The following ELMO1 variants were observed in gnomAD, a reference collection of about 807,000 sequenced individuals.
ELMO1 encodes engulfment and cell motility 1, also known as engulfment and cell motility protein 1.
In ELMO1, 26 loss-of-function variants were observed where a neutral mutation model predicts 98.9. The observed-to-expected ratio is 0.26, with a 90% CI of 0.19 to 0.36. ELMO1 has a LOEUF of 0.36. Ranked by LOEUF, ELMO1 falls within the 10% of genes least tolerant of loss-of-function variation. The pLI, the probability that ELMO1 is intolerant of heterozygous loss-of-function variation, is 1.00. For missense variants in ELMO1, 627 were observed against 935.2 expected (o/e 0.67, Z 4.30); for synonymous variants, 346 against 346.0 (o/e 1.00, Z 0.00).
At chr7:37,163,342 T>TTTTTG (rs1789366510) in intron 13 of ELMO1, among the ~76,000 whole-genome samples, 1 of 27,840 alleles carries the variant, frequency 3.6e-5, no homozygotes, top group Non-Finnish European at 1.5e-4. Context: ...GTGTTCTTTT[T>TTTTTG]TTTTTTTTTT....
At chr7:37,007,667 G>T (rs115269841) in intron 16 of ELMO1, among the ~76,000 whole-genome samples, 2 of 152,334 alleles carry the variant, frequency 1.3e-5, no homozygotes, top group African/African-American at 4.8e-5. Flanking sequence ...CAAACAGTTT[G>T]AGAAGCAAAC....
Position 37,246,395 on chromosome 7 carries a change from C to T in ELMO1, c.414-2004G>A, listed in dbSNP as rs141300059. ...CTACAAACTTTTCATGAATTAGCTGCTAAGGTAGGGAGAAAGTATTATAGT... is the reference window on the plus strand; with the variant it reads ...CTACAAACTTTTCATGAATTAGCTGTTAAGGTAGGGAGAAAGTATTATAGT... On this transcript the variant is annotated intron_variant, in intron 6 of 21. Transcript: ENST00000310758. Among the ~76,000 whole-genome samples the T allele has an allele frequency of 7.9e-5, 12 of 152,140 alleles. No homozygotes were observed. In the East Asian group the frequency reaches 2.3e-3, roughly 29 times the overall value.
chr7:36,863,820 CTTTT>C (rs993266737), intron 20 of ELMO1, among the ~76,000 whole-genome samples: 4 of 151,990 alleles, frequency 2.6e-5, no homozygotes, highest in African/African-American at 9.7e-5. Context: ...CTTCTTACAA[CTTTT>C]TTTTCAACAA....
At chr7:37,413,417 C>T (rs1804075744) in intron 1 of ELMO1, among the ~76,000 whole-genome samples, 1 of 152,166 alleles carries the variant, frequency 6.6e-6, no homozygotes, top group South Asian at 2.1e-4. Context: ...TTTGAATCCA[C>T]AGAAAATACC....
rs13438036 is a variant in ELMO1, at chr7:36,869,263, G to A, written c.1905+1130C>T. Among the ~76,000 whole-genome samples, 1,162 of 152,320 alleles carry A rather than the reference G, an allele frequency of 7.6e-3. 15 individuals are homozygous for A. The highest frequency in any genetic ancestry group is 0.026 in the African/African-American group (1,098 of 41,560). On this transcript the variant is annotated intron_variant, in intron 20 of 21. Coordinates refer to ENST00000310758, the MANE Select transcript of ELMO1 (RefSeq NM_014800.11). ...GGCTCAACAAAGGAGTTCCCATGGA[G>A]CTGAGGTGAGTTATAGAACTTAAGA...
At position 37,375,042 on chromosome 7, in the gene ELMO1, G is replaced by C. The variant is rs1014594914; in HGVS notation, c.-73-32279C>G. On this transcript the variant is annotated intron_variant, in intron 1 of 21. Coordinates refer to ENST00000310758, the MANE Select transcript of ELMO1 (RefSeq NM_014800.11). ...CCACTGCACTCCAGCCTGGGTGACAGAGCAAGAGTCTGTCAAAAAAAAGAA... is the reference window on the plus strand; with the variant it reads ...CCACTGCACTCCAGCCTGGGTGACACAGCAAGAGTCTGTCAAAAAAAAGAA... Among the ~76,000 whole-genome samples the C allele has an allele frequency of 3.9e-5, 6 of 152,146 alleles. No homozygotes were observed. In the South Asian group the frequency reaches 1.2e-3, roughly 32 times the overall value.
chr7:37,216,822 T>C, intron 10 of ELMO1, 127 bp from the exon 11 acceptor site: 2 of 938,220 alleles, frequency 2.1e-6, no homozygotes, highest in Non-Finnish European at 3.4e-6. Context: ...TATGAAATAA[T>C]GAACTCAAAC....
chr7:37,433,306 C>T (rs1438336040), intron 1 of ELMO1, among the ~76,000 whole-genome samples: 4 of 152,212 alleles, frequency 2.6e-5, no homozygotes, highest in Admixed American at 6.5e-5. Context: ...GGAACACCTG[C>T]CGTGAGCCCT....
chr7:37,387,616 TCACTC>T (rs1802863311), intron 1 of ELMO1, among the ~76,000 whole-genome samples: 1 of 152,176 alleles, frequency 6.6e-6, no homozygotes, highest in African/African-American at 2.4e-5. Flanking sequence ...GGGACACAAT[TCACTC>T]CAGACAGGCA....
chr7:37,415,981 C>A (rs1004967536), intron 1 of ELMO1, among the ~76,000 whole-genome samples: 2 of 152,170 alleles, frequency 1.3e-5, no homozygotes, highest in African/African-American at 4.8e-5. Flanking sequence ...AAAACATATT[C>A]CATAATGAAA....
At chr7:37,155,779 A>T (rs996938678) in intron 13 of ELMO1, among the ~76,000 whole-genome samples, 15 of 152,190 alleles carry the variant, frequency 9.9e-5, no homozygotes, top group African/African-American at 2.4e-5. Flanking sequence ...ACAGAAAATT[A>T]ACACGGATAT....
At chr7:37,337,550 G>A (rs1027309570) in intron 2 of ELMO1, among the ~76,000 whole-genome samples, 20 of 151,234 alleles carry the variant, frequency 1.3e-4, no homozygotes, top group African/African-American at 4.9e-4. Flanking sequence ...AAACACCTAT[G>A]TGGAGCATTG....
chr7:37,035,838 A>G (rs1472425604), intron 15 of ELMO1, among the ~76,000 whole-genome samples: 4 of 152,244 alleles, frequency 2.6e-5, no homozygotes, highest in African/African-American at 9.6e-5. Context: ...TGGTGTGTTA[A>G]GCAGATACTT....
chr7:37,362,014 G>T (rs1198556575), intron 1 of ELMO1, among the ~76,000 whole-genome samples: 2 of 152,172 alleles, frequency 1.3e-5, no homozygotes, highest in Non-Finnish European at 2.9e-5. Context: ...AGCAGAGTCT[G>T]CAAGGGGGCA....
intron 16 of ELMO1, among the ~76,000 whole-genome samples, chr7:36,974,691 G>A (rs1385793840): frequency 5.3e-5 from 8 of 152,180 alleles, no homozygotes; most frequent in African/African-American, 1.9e-4. Context: ...GCCAGCAGTG[G>A]CAACCCGCTC....
At chr7:37,391,305 TG>T (rs1313941866) in intron 1 of ELMO1, among the ~76,000 whole-genome samples, 1 of 152,012 alleles carries the variant, frequency 6.6e-6, no homozygotes, top group Non-Finnish European at 1.5e-5. Context: ...TTAGTAGAGA[TG>T]GGGTTTCACC....
chr7:37,210,117 A>G (rs534789454), intron 13 of ELMO1, among the ~76,000 whole-genome samples: 2 of 152,178 alleles, frequency 1.3e-5, no homozygotes, highest in Non-Finnish European at 2.9e-5. Flanking sequence ...ACTGCTGGTT[A>G]AAATGGACAT....
chr7:37,172,104 G>A (rs1204821876), intron 13 of ELMO1, among the ~76,000 whole-genome samples: 1 of 152,184 alleles, frequency 6.6e-6, no homozygotes, highest in Non-Finnish European at 1.5e-5. Flanking sequence ...TGACTATCCT[G>A]TAAGAAAATG....
Position 37,224,940 on chromosome 7 carries a change from C to T in ELMO1, c.640G>A (p.Asp214Asn), listed in dbSNP as rs1365426162. 5 of 1,614,022 alleles carry T rather than the reference C, an allele frequency of 3.1e-6. No individual in the cohort carries two copies. The highest frequency in any genetic ancestry group is 1.3e-5 in the African/African-American group (1 of 74,920). ...ILESMVLNSH[D>N]LYQKVAQEIT... ...TCCTGCGCCACTTTCTGGTAGAGGTCATGGCTATTGAGCACCATCGACTCC... is the reference window on the plus strand; with the variant it reads ...TCCTGCGCCACTTTCTGGTAGAGGTTATGGCTATTGAGCACCATCGACTCC... The change falls in exon 9 of 22, where the codon GAC (aspartate) becomes AAC (asparagine). Residue 214 changes from aspartate (D) to asparagine (N), a missense_variant. Around this residue, in one of 3 missense-constraint regions of ELMO1, gnomAD observed 492 missense variants for 715.6 expected, o/e 0.69. Transcript: ENST00000310758.
Sources: allele counts gnomAD v4.1 joint callset (sites outside exome capture counted in the v4.1 genomes callset), GRCh38; gene constraint gnomAD v4.1.1; regional missense constraint gnomAD v4.1.1; transcripts MANE v1.5; gene names NCBI Gene and HGNC (gene_info 2026-07-23, HGNC 2026-07-21).